PRMT8: variants seen among roughly 807,000 people sequenced by gnomAD.
PRMT8 encodes the protein protein arginine N-methyltransferase 8.
In PRMT8, 7 loss-of-function variants were observed where a neutral mutation model predicts 47.1. That is an observed-to-expected ratio of 0.15 (90% CI 0.08 to 0.28). The LOEUF is 0.28. PRMT8 is among the 10% of genes least tolerant of loss of function. PRMT8 has a pLI of 1.00. For missense variants in PRMT8, 237 were observed against 505.4 expected (o/e 0.47, Z 5.09); for synonymous variants, 188 against 186.5 (o/e 1.01, Z -0.07).
chr12:3,474,998 CCAG>C (rs1172218170), intron 1 of PRMT8, among the ~76,000 whole-genome samples: 2 of 152,196 alleles, frequency 1.3e-5, no homozygotes, highest in African/African-American at 4.8e-5. Context: ...TGGCTGTCAT[CCAG>C]CCCACCCTCA....
intron 6 of PRMT8, among the ~76,000 whole-genome samples, chr12:3,573,617 C>A (rs1866889250): frequency 6.6e-6 from 1 of 152,162 alleles, no homozygotes; most frequent in Non-Finnish European, 1.5e-5. Context: ...CAGAAAAGAG[C>A]ATTGCCTCTG....
At chr12:3,487,057 C>G (rs981544319), upstream of PRMT8, among the ~76,000 whole-genome samples, 6 of 152,168 alleles carry the variant, frequency 3.9e-5, no homozygotes, top group African/African-American at 1.4e-4. Flanking sequence ...GTGGGGCTGC[C>G]TGGAGGCTCA....
intron 1 of PRMT8, among the ~76,000 whole-genome samples, chr12:3,421,929 G>A (rs968913309): frequency 2.0e-5 from 3 of 152,228 alleles, no homozygotes; most frequent in African/African-American, 7.2e-5. Context: ...CTGCTGGCCT[G>A]CTACTGGGGT....
Position 3,493,608 on chromosome 12 carries a change from G to A in PRMT8, c.75+1908G>A, listed in dbSNP as rs1001435330. Among the ~76,000 whole-genome samples the A allele has an allele frequency of 6.6e-6, 1 of 152,104 alleles. No homozygotes were observed. Among genetic ancestry groups the A allele is most frequent in the African/African-American group, 2.4e-5 (1 of 41,352 alleles). On this transcript the variant is annotated intron_variant, in intron 1 of 9. Coordinates refer to ENST00000382622, the MANE Select transcript of PRMT8 (RefSeq NM_019854.5). This position sits in a 1 kb window ranked among gnomAD's most constrained non-coding sequence, Gnocchi z 8.2. ...CGCAGTGTGCAGCGGCGGCTGCTGC[G>A]CTCTCCCAGCCTCGGCGAGGGTTAA...
At position 3,583,793 on chromosome 12, in the gene PRMT8, C is replaced by T. The variant is rs1195692110; in HGVS notation, c.979+585C>T. On this transcript the variant is annotated intron_variant, in intron 8 of 9. Transcript: ENST00000382622. This position sits in a 1 kb window ranked among gnomAD's most constrained non-coding sequence, Gnocchi z 4.7. ...TAGATAAGCCTGGCAAATGGGGATC[C>T]CATGGCCTGGCCCTGGCCCACTCTC... is the stretch of plus-strand genomic sequence containing the variant. Among the ~76,000 whole-genome samples the T allele has an allele frequency of 6.6e-6, 1 of 152,226 alleles. No homozygotes were observed. Among genetic ancestry groups the T allele is most frequent in the Non-Finnish European group, 1.5e-5 (1 of 68,042 alleles).
chr12:3,472,173 G>A (rs201066814), intron 1 of PRMT8, among the ~76,000 whole-genome samples: 197 of 152,294 alleles, frequency 1.3e-3, no homozygotes, highest in African/African-American at 3.4e-3. Flanking sequence ...AAAGGTGATC[G>A]GAAAGGTGTG....
At position 3,569,792 on chromosome 12, in the gene PRMT8, G is replaced by A. The variant is rs903951139; in HGVS notation, c.712+228G>A. 1.3e-5 allele frequency among the ~76,000 whole-genome samples: 2 copies of A among 152,194 alleles called. No homozygotes were observed. Among genetic ancestry groups the A allele is most frequent in the African/African-American group, 4.8e-5 (2 of 41,440 alleles). On this transcript the variant is annotated intron_variant, in intron 6 of 9. Transcript: ENST00000382622. This position sits in a 1 kb window ranked among gnomAD's most constrained non-coding sequence, Gnocchi z 8.2. ...GCCATATGGCTGGGATGAGAGAAAT[G>A]TCCTGGGGTGAAAGAATGAATGCAA...
intron 4 of PRMT8, among the ~76,000 whole-genome samples, chr12:3,561,993 T>C (rs1227789036): frequency 3.3e-5 from 5 of 152,164 alleles, no homozygotes; most frequent in Non-Finnish European, 7.4e-5. Context: ...GATGCCATCA[T>C]TGGCCATGGT....
At chr12:3,398,149 G>GCAGAC (rs1864280081) in intron 1 of PRMT8, among the ~76,000 whole-genome samples, 1 of 152,202 alleles carries the variant, frequency 6.6e-6, no homozygotes, top group Admixed American at 6.5e-5. Flanking sequence ...AGATGGAAAT[G>GCAGAC]CAGAAATCAC....
At chr12:3,397,910 C>G (rs543364345) in intron 1 of PRMT8, among the ~76,000 whole-genome samples, 338 of 152,070 alleles carry the variant, frequency 2.2e-3, no homozygotes, top group South Asian at 5.2e-3. Flanking sequence ...ATGTAATCTC[C>G]TGGTGTGCCG....
Position 3,493,703 on chromosome 12 carries a change from C to T in PRMT8, c.75+2003C>T, listed in dbSNP as rs568668009. On this transcript the variant is annotated intron_variant, in intron 1 of 9. Transcript: ENST00000382622. This position sits in a 1 kb window ranked among gnomAD's most constrained non-coding sequence, Gnocchi z 8.2. ...CTTGCTTCCCCCGCCGCTCCGCGCTCCCCCTTCTCAGCAGTTGCACATGCC... is the reference window on the plus strand; with the variant it reads ...CTTGCTTCCCCCGCCGCTCCGCGCTTCCCCTTCTCAGCAGTTGCACATGCC... Among the ~76,000 whole-genome samples the T allele has an allele frequency of 2.6e-5, 4 of 152,364 alleles. No individual in the cohort carries two copies. Among genetic ancestry groups the T allele is most frequent in the Admixed American group, 2.0e-4 (3 of 15,304 alleles).
intron 4 of PRMT8, among the ~76,000 whole-genome samples, chr12:3,562,833 G>A (rs1309276065): frequency 1.3e-5 from 2 of 152,156 alleles, no homozygotes; most frequent in Non-Finnish European, 2.9e-5. Context: ...ATTCCCTCAG[G>A]TGGGAGATAC....
intron 1 of PRMT8, among the ~76,000 whole-genome samples, chr12:3,416,348 T>G (rs1366115793): frequency 1.3e-5 from 2 of 152,238 alleles, no homozygotes; most frequent in Non-Finnish European, 2.9e-5. Context: ...CTTCAGCTAG[T>G]GGAGCCCAAG....
intron 1 of PRMT8, among the ~76,000 whole-genome samples, chr12:3,418,068 T>C (rs2137059401): frequency 6.6e-6 from 1 of 152,370 alleles, no homozygotes; most frequent in East Asian, 1.9e-4. Flanking sequence ...GAACAGCTCC[T>C]GTTACATAGC....
Position 3,552,800 on chromosome 12 carries a change from C to T in PRMT8, c.418-851C>T, listed in dbSNP as rs1443365684. The T allele has an allele frequency of 4.3e-6, 2 of 464,828 alleles. No individual in the cohort carries two copies. The highest frequency in any genetic ancestry group is 3.1e-5 in the South Asian group (2 of 64,926). The allele number at this position is 464,828 out of a possible 1,614,324, so 28.8% of individuals were successfully genotyped here. A position where few individuals can be genotyped will look rare whatever the true frequency, so the allele number is the denominator to read the frequency against. On this transcript the variant is annotated intron_variant, in intron 3 of 9. Transcript: ENST00000382622. This position sits in a 1 kb window ranked among gnomAD's most constrained non-coding sequence, Gnocchi z 4.5. The stretch of plus-strand genomic sequence containing the variant: ...TCAAGGGAATGGTCCCTGCCCGAGG[C>T]CTGGGGGTAGTCTGAGGGGCCCCCA...
chr12:3,499,267 A>C (rs1409686757), intron 1 of PRMT8, among the ~76,000 whole-genome samples: 7 of 114,468 alleles, frequency 6.1e-5, no homozygotes, highest in African/African-American at 2.5e-4. Context: ...ACATATGTAT[A>C]CATGTGCCAT....
chr12:3,489,075 C>T (rs566764657), upstream of PRMT8, among the ~76,000 whole-genome samples: 18 of 152,280 alleles, frequency 1.2e-4, no homozygotes, highest in African/African-American at 4.3e-4. Flanking sequence ...CAGCCCCAGG[C>T]TGGCTCTGGG....
rs888735183 is a variant in PRMT8 at position 3,549,429 on chromosome 12, T to A, written c.262-507T>A. ...GTTCTCCTTGGGTCAGAGTCCACTG[T>A]AACAAGTAATCTTGTTTCTCTCTCA... On this transcript the variant is annotated intron_variant, in intron 2 of 9. Transcript: ENST00000382622. Among the ~76,000 whole-genome samples the A allele has an allele frequency of 3.3e-5, 5 of 152,106 alleles. No individual in the cohort carries two copies. In the South Asian group the frequency reaches 6.2e-4, roughly 19 times the overall value.
At chr12:3,540,063 G>GA (rs1866193019) in intron 1 of PRMT8, among the ~76,000 whole-genome samples, 1 of 152,146 alleles carries the variant, frequency 6.6e-6, no homozygotes, top group Non-Finnish European at 1.5e-5. Context: ...TAAGCACTTT[G>GA]AAATACAAAC....
Sources: gnomAD v4.1 joint callset for allele counts (sites outside exome capture counted in the v4.1 genomes callset) on GRCh38, gnomAD v4.1.1 for gene constraint, Gnocchi (gnomAD v3.1) non-coding constraint, MANE v1.5 for transcripts, NCBI Gene and HGNC (gene_info 2026-07-23, HGNC 2026-07-21) for gene names.